Variants in DCAF17 observed in about 807,000 individuals in gnomAD.
The protein encoded by DCAF17 is DDB1 and CUL4 associated factor 17.
Under a neutral mutation model 66.0 loss-of-function variants are expected in DCAF17, and 48 were observed. That is an observed-to-expected ratio of 0.73 (90% CI 0.58 to 0.92). The LOEUF (loss-of-function observed/expected upper bound fraction) is 0.92, where lower values mean the gene tolerates loss of function less well. Ranked by LOEUF, DCAF17 falls within the 40% of genes least tolerant of loss-of-function variation. The pLI is 0.00. For missense variants in DCAF17, 562 were observed against 622.8 expected, an observed-to-expected ratio of 0.90 and a Z score of 1.04; for synonymous variants, 206 against 214.6, an observed-to-expected ratio of 0.96 and a Z score of 0.35.
At chr2:171,464,737 C>T (rs1418266916) in intron 8 of DCAF17, among the ~76,000 whole-genome samples, 1 of 152,086 alleles carries the variant, frequency 6.6e-6, no homozygotes, top group Non-Finnish European at 1.5e-5. Context: ...TACATTAAAA[C>T]AAAAATTCAT....
At chr2:171,472,905 GA>G in intron 9 of DCAF17, 1 of 337,172 alleles carries the variant, frequency 3.0e-6, no homozygotes, top group Non-Finnish European at 6.0e-6. Flanking sequence ...TAAAGCCAGT[GA>G]AGTTAATATA....
rs1214396422 is a variant in DCAF17 at position 171,483,582 on chromosome 2, G to T, written c.*2468G>T. On this transcript the variant is annotated 3_prime_UTR_variant, in exon 14 of 14. Coordinates refer to ENST00000375255, the MANE Select transcript of DCAF17 (RefSeq NM_025000.4). ...TTGTGCTACCTAGTGAGGAGATACC[G>T]CTCTGTTTAGACAAATTAAGGCACT... 2 of 453,928 alleles carry T rather than the reference G, an allele frequency of 4.4e-6. No homozygotes were observed. The allele number at this position is 453,928 out of a possible 1,614,324, so 28.1% of individuals were successfully genotyped here. A position where few individuals can be genotyped will look rare whatever the true frequency, so the allele number is the denominator to read the frequency against.
intron 3 of DCAF17, 38 bp downstream of exon 3, chr2:171,443,651 T>G (rs1694445641): frequency 6.5e-7 from 1 of 1,548,034 alleles, no homozygotes; most frequent in Non-Finnish European, 8.9e-7. Context: ...TCTAAAGCAT[T>G]TTTAGCCTAG....
At position 171,434,663 on chromosome 2, in the gene DCAF17, A is replaced by G; in HGVS notation, c.86A>G (p.Gln29Arg). ...GCFSRDAGVV[Q>R]RTNLGILRAL... ...TTCTCGCGCGACGCAGGCGTGGTGC[A>G]GAGGACCAACCTGGGCATCCTGCGG... The change falls in exon 1 of 14, where the codon CAG becomes CGG. Residue 29 changes from glutamine (Q) to arginine (R), a missense_variant. Gln to Arg is a conservative substitution (Grantham distance 43). This residue lies in a region of DCAF17 where 348 missense variants were observed against 355.9 expected (regional missense o/e 0.98). Coordinates refer to ENST00000375255, the MANE Select transcript of DCAF17 (RefSeq NM_025000.4). 1 of 1,530,282 alleles carries G rather than the reference A, an allele frequency of 6.5e-7. No individual in the cohort carries two copies. Among genetic ancestry groups the G allele is most frequent in the East Asian group, 2.5e-5 (1 of 39,526 alleles). 94.8% of individuals were successfully genotyped at this position (1,530,282 alleles called of 1,614,324 possible).
At chr2:171,463,990 T>C (rs550395679) in intron 8 of DCAF17, among the ~76,000 whole-genome samples, 1 of 152,314 alleles carries the variant, frequency 6.6e-6, no homozygotes, top group East Asian at 1.9e-4. Context: ...CACAATAGAC[T>C]TGTGGATTTT....
At chr2:171,443,355 T>C in intron 2 of DCAF17, 168 bp from the exon 3 acceptor site, 1 of 553,050 alleles carries the variant, frequency 1.8e-6, no homozygotes, top group Non-Finnish European at 3.1e-6. Context: ...TTGTTTTTTT[T>C]TATATGAATT....
intron 12 of DCAF17, among the ~76,000 whole-genome samples, chr2:171,478,723 G>A (rs1696612617): frequency 6.6e-6 from 1 of 152,150 alleles, no homozygotes; most frequent in Non-Finnish European, 1.5e-5. Context: ...AAACATTAGA[G>A]TGGCCTTCCA....
rs1346856586 is a variant in DCAF17, at chr2:171,482,236, C to G, written c.*1122C>G. The G allele has an allele frequency of 2.2e-6, 1 of 453,778 alleles. No homozygotes were observed. Among genetic ancestry groups the G allele is most frequent in the Non-Finnish European group, 4.4e-6 (1 of 226,732 alleles). The allele number at this position is 453,778 out of a possible 1,614,324, so 28.1% of individuals were successfully genotyped here. ...CATTTCGCATGTTCTGCACATTTAT[C>G]CGATGTAACCTCAAAAGAATAACTG... On this transcript the variant is annotated 3_prime_UTR_variant, in exon 14 of 14. Coordinates refer to ENST00000375255, the MANE Select transcript of DCAF17 (RefSeq NM_025000.4).
intron 5 of DCAF17, among the ~76,000 whole-genome samples, chr2:171,450,279 A>G (rs1029270627): frequency 2.6e-5 from 4 of 152,210 alleles, no homozygotes; most frequent in African/African-American, 9.6e-5. Flanking sequence ...CATTGGGTAT[A>G]GTGTATACCA....
At chr2:171,436,215 G>A (rs2193621) in intron 2 of DCAF17, among the ~76,000 whole-genome samples, 149,374 of 152,368 alleles carry the variant, frequency 0.98, 73,308 homozygotes, top group Middle Eastern at 1. Flanking sequence ...TTACGTATCC[G>A]TTTATCAGTT....
chr2:171,468,813 G>T (rs1696071033), intron 8 of DCAF17, 75 bp from the exon 9 acceptor site: 1 of 1,582,806 alleles, frequency 6.3e-7, no homozygotes, highest in African/African-American at 1.3e-5. Flanking sequence ...GCAAAGAAAG[G>T]TTGAATTCAG....
At chr2:171,466,997 C>T (rs1438277923) in intron 8 of DCAF17, among the ~76,000 whole-genome samples, 1 of 151,562 alleles carries the variant, frequency 6.6e-6, no homozygotes, top group African/African-American at 2.4e-5. Flanking sequence ...GCTTAAAAGA[C>T]CTTTATATAT....
chr2:171,453,091 A>C, intron 5 of DCAF17, 33 bp from the exon 6 acceptor site: 3 of 1,493,544 alleles, frequency 2.0e-6, no homozygotes, highest in Non-Finnish European at 2.8e-6. Context: ...AGTACTTTTG[A>C]GAGCTGCGTG....
intron 10 of DCAF17, among the ~76,000 whole-genome samples, 167 bp from the exon 11 acceptor site, chr2:171,476,693 G>C (rs1696512067): frequency 6.6e-6 from 1 of 152,194 alleles, no homozygotes; most frequent in East Asian, 1.9e-4. Context: ...ATTTGAAGGA[G>C]TTCATGGACA....
chr2:171,458,171 C>T, intron 7 of DCAF17, 96 bp downstream of exon 7: 1 of 1,206,754 alleles, frequency 8.3e-7, no homozygotes, highest in South Asian at 1.2e-5. Context: ...GAGTAAGGCA[C>T]TTCTGTAGAT....
rs1446317220 is a variant in DCAF17, at chr2:171,483,768, A to G, written c.*2654A>G. ...ATAACCACATGAAGTATGAACTGCC[A>G]TTATCTTTCCCCTTTGTACAAATGA... On this transcript the variant is annotated 3_prime_UTR_variant, in exon 14 of 14. Coordinates refer to ENST00000375255, the MANE Select transcript of DCAF17 (RefSeq NM_025000.4). The G allele has an allele frequency of 2.2e-6, 1 of 454,088 alleles. No individual in the cohort carries two copies. The highest frequency in any genetic ancestry group is 6.9e-5 in the East Asian group (1 of 14,398). The allele number at this position is 454,088 out of a possible 1,614,324, so 28.1% of individuals were successfully genotyped here.
intron 2 of DCAF17, among the ~76,000 whole-genome samples, chr2:171,438,557 T>C (rs1390324440): frequency 2.0e-5 from 3 of 152,238 alleles, no homozygotes; most frequent in Non-Finnish European, 2.9e-5. Context: ...GTATTAAATA[T>C]TGTTATGCCT....
In DCAF17 at chr2:171,482,760, G is replaced by A. The variant is rs749716370; in HGVS notation, c.*1646G>A. On this transcript the variant is annotated 3_prime_UTR_variant, in exon 14 of 14. Transcript: ENST00000375255. ...TGATAGTAAGGAACTCGTCTATTCT[G>A]AAAGGCATTTGAGAAATAGCTGAAT... The A allele has an allele frequency of 2.2e-6, 1 of 453,520 alleles. No individual in the cohort carries two copies. The highest frequency in any genetic ancestry group is 1.6e-5 in the South Asian group (1 of 64,386). 28.1% of individuals were successfully genotyped at this position (453,520 alleles called of 1,614,324 possible).
intron 10 of DCAF17, chr2:171,474,220 A>G: frequency 2.0e-6 from 1 of 512,270 alleles, no homozygotes; most frequent in South Asian, 2.1e-5. Context: ...AGGGAATTAC[A>G]GACTGGCCCT....
Sources: allele counts gnomAD v4.1 joint callset (sites outside exome capture counted in the v4.1 genomes callset), GRCh38; gene constraint gnomAD v4.1.1; regional missense constraint gnomAD v4.1.1; transcripts MANE v1.5; gene names NCBI Gene and HGNC (gene_info 2026-07-23, HGNC 2026-07-21).